RBMS3: variants seen among roughly 807,000 people sequenced by gnomAD.
The protein encoded by RBMS3 is RNA binding motif single stranded interacting protein 3.
A neutral mutation model predicts 66.8 loss-of-function variants in RBMS3; 27 were observed. The observed-to-expected ratio is 0.40, with a 90% CI of 0.30 to 0.56. RBMS3 has a LOEUF of 0.56. RBMS3 is among the 20% of genes least tolerant of loss of function. The pLI, the probability that RBMS3 is intolerant of heterozygous loss-of-function variation, is 0.40. For missense variants in RBMS3, 513 were observed against 549.5 expected (o/e 0.93, Z 0.66); for synonymous variants, 188 against 183.0 (o/e 1.03, Z -0.22).
intron 1 of RBMS3, among the ~76,000 whole-genome samples, chr3:29,326,957 C>T (rs2035375110): frequency 6.6e-6 from 1 of 152,106 alleles, no homozygotes; most frequent in Non-Finnish European, 1.5e-5. Flanking sequence ...GTCTCGATCT[C>T]CTGACCTCAT....
chr3:29,996,320 GAGA>G, intron 14 of RBMS3, among the ~76,000 whole-genome samples: 1 of 150,328 alleles, frequency 6.7e-6, no homozygotes, highest in Non-Finnish European at 1.5e-5. Flanking sequence ...TTAATAATGG[GAGA>G]CTTTAACACC....
At chr3:29,409,846 A>C (rs945670285) in intron 1 of RBMS3, among the ~76,000 whole-genome samples, 1 of 152,226 alleles carries the variant, frequency 6.6e-6, no homozygotes, top group African/African-American at 2.4e-5. Context: ...TATGTAACAC[A>C]TAATGTAATG....
intron 5 of RBMS3, among the ~76,000 whole-genome samples, chr3:29,748,523 A>T (rs1397377733): frequency 6.6e-6 from 1 of 152,194 alleles, no homozygotes; most frequent in East Asian, 1.9e-4. Flanking sequence ...AAAGTAATGT[A>T]TTGATTGGCT....
intron 3 of RBMS3, among the ~76,000 whole-genome samples, chr3:29,506,786 G>A (rs2044197615): frequency 1.3e-5 from 2 of 151,832 alleles, no homozygotes; most frequent in South Asian, 4.2e-4. Flanking sequence ...ATTACTTCAT[G>A]GTTTAGTCTT....
chr3:29,943,422 AG>A (rs1450481490), intron 11 of RBMS3, among the ~76,000 whole-genome samples: 1 of 151,846 alleles, frequency 6.6e-6, no homozygotes, highest in African/African-American at 2.4e-5. Context: ...CCCTGGCTAA[AG>A]AAATTGCAGT....
intron 12 of RBMS3, among the ~76,000 whole-genome samples, chr3:29,973,058 A>G (rs1454185975): frequency 6.6e-6 from 1 of 152,112 alleles, no homozygotes; most frequent in Non-Finnish European, 1.5e-5. Context: ...ATAATAGATC[A>G]GTCAGGCCAG....
chr3:29,800,209 C>T (rs2149441581), intron 6 of RBMS3, among the ~76,000 whole-genome samples: 1 of 150,290 alleles, frequency 6.7e-6, no homozygotes, highest in Non-Finnish European at 1.5e-5. Flanking sequence ...AAATGGTTTT[C>T]AGAAAGGCCT....
At chr3:29,642,004 C>G (rs559237659) in intron 4 of RBMS3, among the ~76,000 whole-genome samples, 7 of 152,166 alleles carry the variant, frequency 4.6e-5, no homozygotes, top group African/African-American at 1.7e-4. Context: ...ACTGACATTT[C>G]TTAGGCATTT....
intron 6 of RBMS3, among the ~76,000 whole-genome samples, chr3:29,782,646 T>C (rs1372825554): frequency 2.6e-5 from 4 of 152,146 alleles, no homozygotes; most frequent in Admixed American, 2.0e-4. Context: ...CAAAAGATCA[T>C]GTCAGTTCAC....
chr3:29,377,343 C>T (rs1371170775), intron 1 of RBMS3, among the ~76,000 whole-genome samples: 2 of 152,096 alleles, frequency 1.3e-5, no homozygotes, highest in African/African-American at 2.4e-5. Context: ...TAACTGGTCT[C>T]GGGTGAGGCC....
chr3:29,917,968 A>G (rs906855990), intron 10 of RBMS3, among the ~76,000 whole-genome samples: 5 of 152,122 alleles, frequency 3.3e-5, no homozygotes, highest in Admixed American at 2.6e-4. Flanking sequence ...GCAATTATAT[A>G]ATATTGTATA....
chr3:29,455,675 A>C (rs2042163858), intron 2 of RBMS3, among the ~76,000 whole-genome samples: 2 of 152,142 alleles, frequency 1.3e-5, no homozygotes, highest in Admixed American at 1.3e-4. Flanking sequence ...TACCTGAACA[A>C]AGCTTATCTA....
rs375892365 is a variant in RBMS3, at chr3:29,854,413, G to A, written c.638-14445G>A. ...GGGTTCTTCCTCCTGTCCACATAAAGCCAGTTTCTTCAGAATCAAATTCTC... is the reference window on the plus strand; with the variant it reads ...GGGTTCTTCCTCCTGTCCACATAAAACCAGTTTCTTCAGAATCAAATTCTC... On this transcript the variant is annotated intron_variant, in intron 6 of 14. Transcript: ENST00000383767. 2.0e-5 allele frequency among the ~76,000 whole-genome samples: 3 copies of A among 152,328 alleles called. No individual in the cohort carries two copies. The South Asian group carries it at 6.2e-4, about 32-fold the overall frequency.
At chr3:29,377,387 T>C (rs1314582275) in intron 1 of RBMS3, among the ~76,000 whole-genome samples, 2 of 152,132 alleles carry the variant, frequency 1.3e-5, no homozygotes, top group Non-Finnish European at 2.9e-5. Context: ...TCCCCAATGA[T>C]AACTAATAAG....
intron 10 of RBMS3, among the ~76,000 whole-genome samples, chr3:29,928,153 A>C (rs1247339099): frequency 6.8e-6 from 1 of 146,802 alleles, no homozygotes; most frequent in Admixed American, 6.9e-5. Context: ...AAAAATAAGG[A>C]GAAACTGGTC....
chr3:29,385,238 G>A (rs951216162), intron 1 of RBMS3, among the ~76,000 whole-genome samples: 3 of 152,150 alleles, frequency 2.0e-5, no homozygotes, highest in Non-Finnish European at 4.4e-5. Flanking sequence ...GACCACAGTT[G>A]TTTTTAATGC....
At position 29,434,929 on chromosome 3, in the gene RBMS3, T is replaced by G; in HGVS notation, c.248+14T>G. On this transcript the variant is annotated intron_variant, in intron 2 of 14. Coordinates refer to ENST00000383767, the MANE Select transcript of RBMS3 (RefSeq NM_001003793.3). ...GCTGTGCCAACCGTAAGTGTCCTTC[T>G]GCTGCCCGTGCTGTTTCTCACTCCC... 1 of 1,605,458 alleles carries G rather than the reference T, an allele frequency of 6.2e-7. No homozygotes were observed. The highest frequency in any genetic ancestry group is 8.5e-7 in the Non-Finnish European group (1 of 1,174,686).
At chr3:29,490,282 C>CA (rs1050840272) in intron 3 of RBMS3, among the ~76,000 whole-genome samples, 18 of 146,226 alleles carry the variant, frequency 1.2e-4, no homozygotes, top group East Asian at 8.0e-4. Context: ...GGAGTGGAAA[C>CA]AAAAAAAAAT....
chr3:29,899,740 C>T lies in RBMS3; in HGVS notation c.924C>T (p.Tyr308=), dbSNP rs372230386. The T allele has an allele frequency of 2.4e-5, 38 of 1,610,090 alleles. No individual in the cohort carries two copies. Among genetic ancestry groups the T allele is most frequent in the African/African-American group, 1.3e-4 (10 of 74,564 alleles). Residue 308 remains tyrosine (Y), a synonymous_variant, in exon 10 of 15, where the codon TAC becomes TAT. Coordinates refer to ENST00000383767, the MANE Select transcript of RBMS3 (RefSeq NM_001003793.3). ...QSTSWMPHPP[Y]VMQPTGAVIT... ...CTTCATGGATGCCTCATCCGCCATACGTTATGCAACCAACAGTAAGTGTTC... is the reference window on the plus strand; with the variant it reads ...CTTCATGGATGCCTCATCCGCCATATGTTATGCAACCAACAGTAAGTGTTC...
Sources: allele counts gnomAD v4.1 joint callset (sites outside exome capture counted in the v4.1 genomes callset), GRCh38; gene constraint gnomAD v4.1.1; transcripts MANE v1.5; gene names NCBI Gene and HGNC (gene_info 2026-07-23, HGNC 2026-07-21).